Variants in WNT2B observed in about 807,000 individuals in gnomAD.
WNT2B encodes the protein protein Wnt-2b.
A neutral mutation model predicts 40.5 loss-of-function variants in WNT2B; 19 were observed. The observed-to-expected ratio is 0.47, with a 90% confidence interval of 0.33 to 0.69. WNT2B has a LOEUF of 0.69. Among genes scored for constraint, WNT2B ranks in the 30% least tolerant of loss-of-function variants. The pLI, the probability that WNT2B is intolerant of heterozygous loss-of-function variation, is 0.02. For synonymous variants in WNT2B, 220 were observed against 211.9 expected, an observed-to-expected ratio of 1.04 and a Z score of -0.33; for missense variants, 467 against 556.4, an observed-to-expected ratio of 0.84 and a Z score of 1.62.
At position 112,483,401 on chromosome 1, in the gene WNT2B, G is replaced by A. The variant is rs115833497; in HGVS notation, c.-95+15810G>A. 2.4e-3 allele frequency among the ~76,000 whole-genome samples: 372 copies of A among 152,244 alleles called. 1 individual carries two copies. The highest frequency in any genetic ancestry group is 8.3e-3 in the African/African-American group (346 of 41,534). ...GGAAAAGGATCATCTCCTTGATAGT[G>A]TTGGAAAAACTGGATATACAAATGC... is the stretch of plus-strand genomic sequence containing the variant. On this transcript the variant is annotated intron_variant, in intron 1 of 4. Coordinates refer to the WNT2B transcript ENST00000256640.
At chr1:112,517,053 G>T in intron 3 of WNT2B, 68 bp from the exon 4 acceptor site, 1 of 1,557,972 alleles carries the variant, frequency 6.4e-7, no homozygotes, top group South Asian at 1.2e-5. Context: ...CATCCTTTTG[G>T]ACCTAGGGAT....
At position 112,526,301 on chromosome 1, in the gene WNT2B, C is replaced by A; in HGVS notation, c.*5792C>A. On this transcript the variant is annotated 3_prime_UTR_variant, in exon 5 of 5. Transcript: ENST00000369684. The stretch of plus-strand genomic sequence containing the variant: ...TGTGACCACTATACAACATATTCCA[C>A]ATTTAAACAACTCTGGCTCCTAATT... The A allele has an allele frequency of 8.7e-6, 5 of 571,708 alleles. No homozygotes were observed. Among genetic ancestry groups the A allele is most frequent in the African/African-American group, 1.8e-5 (1 of 54,290 alleles). 35.4% of individuals were successfully genotyped at this position (571,708 alleles called of 1,614,324 possible). A position where few individuals can be genotyped will look rare whatever the true frequency, so the allele number is the denominator to read the frequency against.
At chr1:112,512,483 C>T (rs1330378926) in intron 1 of WNT2B, among the ~76,000 whole-genome samples, 1 of 152,196 alleles carries the variant, frequency 6.6e-6, no homozygotes, top group Non-Finnish European at 1.5e-5. Context: ...GGGGACCACA[C>T]TTTGAGTAGC....
chr1:112,517,455 T>G, intron 4 of WNT2B, 70 bp downstream of exon 4: 3 of 1,523,484 alleles, frequency 2.0e-6, no homozygotes, highest in Non-Finnish European at 2.6e-6. Context: ...TTAATCATGG[T>G]CTGTTCAGTC....
chr1:112,520,143 A>G (rs770230819), intron 4 of WNT2B, 137 bp from the exon 5 acceptor site: 10 of 778,434 alleles, frequency 1.3e-5, no homozygotes, highest in Non-Finnish European at 2.1e-5. Context: ...AAATGCTGGG[A>G]TGATAGGCAT....
At chr1:112,517,467 C>A in intron 4 of WNT2B, 82 bp downstream of exon 4, 1 of 1,497,420 alleles carries the variant, frequency 6.7e-7, no homozygotes, top group Non-Finnish European at 8.9e-7. Flanking sequence ...TGTTCAGTCT[C>A]AGGAGTTAGG....
intron 1 of WNT2B, among the ~76,000 whole-genome samples, chr1:112,500,456 G>A (rs1192136271): frequency 2.6e-5 from 4 of 152,026 alleles, no homozygotes; most frequent in African/African-American, 9.7e-5. Context: ...ATTTTTAAAT[G>A]TTTCCATTTT....
intron 1 of WNT2B, among the ~76,000 whole-genome samples, chr1:112,470,301 A>C (rs114839947): frequency 0.021 from 3,157 of 152,080 alleles, 111 homozygotes; most frequent in African/African-American, 0.067. Context: ...ATATCATGCC[A>C]CTCTCAGCGG....
intron 1 of WNT2B, among the ~76,000 whole-genome samples, chr1:112,479,599 A>G (rs1651159073): frequency 6.6e-6 from 1 of 152,158 alleles, no homozygotes; most frequent in African/African-American, 2.4e-5. Context: ...TCTAATGGAT[A>G]TACAGTATAA....
intron 1 of WNT2B, among the ~76,000 whole-genome samples, chr1:112,484,778 A>G (rs969389956): frequency 6.6e-5 from 10 of 152,012 alleles, no homozygotes; most frequent in Admixed American, 4.6e-4. Context: ...TATATTAGCA[A>G]TGGAAGTAGA....
chr1:112,516,046 G>T (rs1652523399), intron 2 of WNT2B, 94 bp from the exon 3 acceptor site: 1 of 1,486,132 alleles, frequency 6.7e-7, no homozygotes, highest in South Asian at 1.3e-5. Context: ...AGAAAATTAG[G>T]GAAGAGGTTT....
intron 1 of WNT2B, among the ~76,000 whole-genome samples, chr1:112,468,070 C>T (rs1650758655): frequency 6.6e-6 from 1 of 152,166 alleles, no homozygotes; most frequent in African/African-American, 2.4e-5. Flanking sequence ...ATTTGTCTTT[C>T]TGTGCCTGGC....
chr1:112,525,909 G>A lies in WNT2B; in HGVS notation c.*5400G>A. The stretch of plus-strand genomic sequence containing the variant: ...ATATGCAAAATGCTTTAGCATATAT[G>A]TAATCCTCACAACAACCCTGTGAGG... On this transcript the variant is annotated 3_prime_UTR_variant, in exon 5 of 5. Coordinates refer to ENST00000369684, the MANE Select transcript of WNT2B (RefSeq NM_024494.3). 6.7e-7 allele frequency: 1 copy of A among 1,496,674 alleles called. No homozygotes were observed. Among genetic ancestry groups the A allele is most frequent in the Non-Finnish European group, 9.0e-7 (1 of 1,106,428 alleles). 92.7% of individuals were successfully genotyped at this position (1,496,674 alleles called of 1,614,324 possible).
intron 1 of WNT2B, among the ~76,000 whole-genome samples, chr1:112,478,656 C>T (rs143265834): frequency 0.024 from 3,709 of 152,174 alleles, 144 homozygotes; most frequent in African/African-American, 0.085. Flanking sequence ...CATGGTGGCT[C>T]ACACCTGTAA....
intron 1 of WNT2B, among the ~76,000 whole-genome samples, chr1:112,502,944 T>G (rs180760521): frequency 1.4e-3 from 207 of 152,214 alleles, no homozygotes; most frequent in African/African-American, 4.8e-3. Context: ...GGAGGAGAAC[T>G]TTGAGTGTCC....
chr1:112,513,012 C>T (rs1217850125), intron 1 of WNT2B, among the ~76,000 whole-genome samples: 1 of 152,138 alleles, frequency 6.6e-6, no homozygotes, highest in South Asian at 2.1e-4. Flanking sequence ...AGTCAGACCA[C>T]AAGAAGGACT....
chr1:112,502,172 C>A (rs1489643606), intron 1 of WNT2B, among the ~76,000 whole-genome samples: 1 of 152,204 alleles, frequency 6.6e-6, no homozygotes, highest in African/African-American at 2.4e-5. Context: ...GCTGCGCCCG[C>A]GGGAGAGAGC....
chr1:112,505,896 A>G (rs1652091798), upstream of WNT2B, among the ~76,000 whole-genome samples: 1 of 152,188 alleles, frequency 6.6e-6, no homozygotes, highest in Admixed American at 6.5e-5. Context: ...AACCTTAGAG[A>G]GAAGTCTAGT....
At chr1:112,497,927 T>A (rs1346293683) in intron 1 of WNT2B, among the ~76,000 whole-genome samples, 1 of 151,484 alleles carries the variant, frequency 6.6e-6, no homozygotes, top group African/African-American at 2.4e-5. Flanking sequence ...TTTTTTTTTT[T>A]AAGTTCCGGG....
Sources: gnomAD v4.1 joint callset for allele counts (sites outside exome capture counted in the v4.1 genomes callset) on GRCh38, gnomAD v4.1.1 for gene constraint, MANE v1.5 for transcripts, NCBI Gene and HGNC (gene_info 2026-07-23, HGNC 2026-07-21) for gene names.